The following CDH11 variants were observed in gnomAD, a reference collection of about 807,000 sequenced individuals.
CDH11 encodes the protein cadherin-11.
In CDH11, 11 loss-of-function variants were observed where a neutral mutation model predicts 67.8. The ratio of observed to expected loss-of-function variants is 0.16; its 90% CI spans 0.10 to 0.27. The LOEUF (loss-of-function observed/expected upper bound fraction) is 0.27. Ranked by LOEUF, CDH11 falls within the 10% of genes least tolerant of loss-of-function variation. The pLI is 1.00. For missense variants in CDH11, 847 were observed against 1,031.2 expected (o/e 0.82, Z 2.45); for synonymous variants, 419 against 400.0 (o/e 1.05, Z -0.57).
chr16:64,990,163 T>C (rs1359014810), intron 6 of CDH11, among the ~76,000 whole-genome samples: 2 of 152,210 alleles, frequency 1.3e-5, no homozygotes, highest in Non-Finnish European at 1.5e-5. Flanking sequence ...TATGATTGTC[T>C]ATGACCAAGG....
intron 3 of CDH11, among the ~76,000 whole-genome samples, chr16:64,999,279 G>C (rs1180043435): frequency 6.6e-6 from 1 of 152,100 alleles, no homozygotes; most frequent in Non-Finnish European, 1.5e-5. Context: ...CCTCTGTTCA[G>C]AGACAATCAC....
intron 1 of CDH11, among the ~76,000 whole-genome samples, chr16:65,066,698 G>A (rs1290898310): frequency 6.6e-6 from 1 of 152,196 alleles, no homozygotes; most frequent in Non-Finnish European, 1.5e-5. Flanking sequence ...CAGTCATTCT[G>A]TTCTTATGTG....
intron 2 of CDH11, among the ~76,000 whole-genome samples, chr16:65,039,529 T>A (rs896944262): frequency 2.0e-5 from 3 of 152,182 alleles, no homozygotes; most frequent in African/African-American, 7.2e-5. Context: ...TGAAAGTGGA[T>A]CCCTTCCTTA....
rs2072051009 is a variant in CDH11 at position 64,972,927 on chromosome 16, A to T, written c.1367T>A (p.Ile456Asn). ...LDREETAWLN[I>N]TVFAAEIHNR... ...ACGGATTTCTGCTGCAAAGACAGTG[A>T]TGTTGAGCCAGGCTGTTTCCTCTCT... is the stretch of plus-strand genomic sequence containing the variant. The change falls in exon 9 of 13, where the codon ATC becomes AAC. Residue 456 changes from isoleucine (I) to asparagine (N), a missense_variant. This residue lies in a region of CDH11 where 612 missense variants were observed against 678.7 expected (regional missense o/e 0.90). Coordinates refer to ENST00000268603, the MANE Select transcript of CDH11 (RefSeq NM_001797.4). 2 of 1,613,912 alleles carry T rather than the reference A, an allele frequency of 1.2e-6. No homozygotes were observed. Among genetic ancestry groups the T allele is most frequent in the Non-Finnish European group, 1.7e-6 (2 of 1,179,876 alleles).
intron 3 of CDH11, among the ~76,000 whole-genome samples, chr16:65,002,891 T>G (rs1308647851): frequency 6.6e-6 from 1 of 152,084 alleles, no homozygotes; most frequent in African/African-American, 2.4e-5. Context: ...TCATTTACAT[T>G]GAATGTCCTC....
chr16:64,953,363 A>T (rs2071416950), intron 11 of CDH11, among the ~76,000 whole-genome samples: 1 of 151,910 alleles, frequency 6.6e-6, no homozygotes, highest in African/African-American at 2.4e-5. Context: ...AATATTGCAG[A>T]TGGTGAGGTT....
chr16:65,024,809 T>C lies in CDH11; in HGVS notation c.-172-19768A>G, dbSNP rs192717812. Among the ~76,000 whole-genome samples the C allele has an allele frequency of 3.9e-3, 596 of 152,290 alleles. 5 individuals are homozygous for C. The highest frequency in any genetic ancestry group is 6.4e-3 in the Non-Finnish European group (436 of 68,026). On this transcript the variant is annotated intron_variant, in intron 2 of 12. Transcript: ENST00000268603. ...TGAAAAGCTGGGTAACATGAGTGGC[T>C]CTCCAGACAAGATCTTTGGAATATA...
chr16:65,121,915 G>T lies in CDH11; in HGVS notation c.-333C>A, dbSNP rs903127001. ...TGAGGGTGGACGCAACCTCCGAGCC[G>T]CCAGTCCCTGGCGCAGGGCAAGCGC... On this transcript the variant is annotated 5_prime_UTR_variant, in exon 1 of 13. Transcript: ENST00000268603. The surrounding 1 kb of genome is among the most constrained non-coding windows in gnomAD (Gnocchi z 4.1). 4.3e-6 allele frequency: 3 copies of T among 701,778 alleles called. No individual in the cohort carries two copies. In the African/African-American group the frequency reaches 5.2e-5, roughly 12 times the overall value. 43.5% of individuals were successfully genotyped at this position (701,778 alleles called of 1,614,324 possible).
At chr16:65,011,303 G>C (rs1056710947) in intron 2 of CDH11, among the ~76,000 whole-genome samples, 25 of 151,940 alleles carry the variant, frequency 1.6e-4, no homozygotes, top group Non-Finnish European at 2.8e-4. Flanking sequence ...ATGTCTGAAA[G>C]TCCAGGTCCC....
In CDH11 at chr16:64,991,314, C is replaced by T. The variant is rs184493262; in HGVS notation, c.811+454G>A. 2.6e-3 allele frequency: 404 copies of T among 157,112 alleles called. 1 individual carries two copies. The highest frequency in any genetic ancestry group is 4.1e-3 in the Non-Finnish European group (292 of 70,558). The allele number at this position is 157,112 out of a possible 1,614,324, so 9.7% of individuals were successfully genotyped here. On this transcript the variant is annotated intron_variant, in intron 6 of 12. Transcript: ENST00000268603. Reference sequence around the variant, plus strand: ...GCATGCTGTCTCCTCCAAGCCTTGCCCAAATTCCAGACACATGATAAAAAC... The same window carrying T: ...GCATGCTGTCTCCTCCAAGCCTTGCTCAAATTCCAGACACATGATAAAAAC...
chr16:65,094,807 C>T (rs543811287), intron 1 of CDH11: 2 of 152,094 alleles, frequency 1.3e-5, no homozygotes, highest in Admixed American at 1.3e-4. Context: ...CAACTGAGGA[C>T]ACTCAGAAGG....
intron 2 of CDH11, among the ~76,000 whole-genome samples, chr16:65,048,232 T>C (rs2073996618): frequency 6.6e-6 from 1 of 152,160 alleles, no homozygotes; most frequent in Admixed American, 6.5e-5. Context: ...CCACTATGTC[T>C]CCTTTAAAAC....
intron 1 of CDH11, among the ~76,000 whole-genome samples, chr16:65,055,493 C>T (rs567840439): frequency 1.3e-5 from 2 of 152,300 alleles, no homozygotes; most frequent in South Asian, 4.1e-4. Context: ...AAAGGGAATG[C>T]CTATCCTACA....
intron 4 of CDH11, among the ~76,000 whole-genome samples, chr16:64,993,425 G>A (rs913505865): frequency 2.6e-5 from 4 of 152,060 alleles, no homozygotes; most frequent in Non-Finnish European, 2.9e-5. Flanking sequence ...GATAATTAAC[G>A]ATAAATTGCT....
rs779408399 is a variant in CDH11, at chr16:64,950,977, G to A, written c.1684C>T (p.Arg562Trp). The change falls in exon 12 of 13, where the codon CGG becomes TGG. Residue 562 changes from arginine (R) to tryptophan (W), a missense_variant. This residue lies in a region of CDH11 where 612 missense variants were observed against 678.7 expected (regional missense o/e 0.90). Transcript: ENST00000268603. ...AGAAGGTACAAGTCCTGCTTCTGCC[G>A]ACTGAACCCTCCACGCCGGGCGTAC... ...GVYARRGGFS[R>W]QKQDLYLLPI... 6.2e-7 allele frequency: 1 copy of A among 1,614,012 alleles called. No individual in the cohort carries two copies. Among genetic ancestry groups the A allele is most frequent in the Non-Finnish European group, 8.5e-7 (1 of 1,179,992 alleles).
At chr16:64,990,373 C>CA (rs2072598418) in intron 6 of CDH11, among the ~76,000 whole-genome samples, 1 of 152,162 alleles carries the variant, frequency 6.6e-6, no homozygotes, top group Non-Finnish European at 1.5e-5. Flanking sequence ...TGAGTAACCA[C>CA]AGTGCCTTCC....
rs138162692 is a variant in CDH11, at chr16:64,992,423, T to C, written c.644-488A>G. On this transcript the variant is annotated intron_variant, in intron 5 of 12. Transcript: ENST00000268603. ...AAAGAGTGAACCAAATCGGTTAAAATATATACAATGCTCATATAAGCACAT... is the reference window on the plus strand; with the variant it reads ...AAAGAGTGAACCAAATCGGTTAAAACATATACAATGCTCATATAAGCACAT... Among the ~76,000 whole-genome samples, 868 of 152,370 alleles carry C rather than the reference T, an allele frequency of 5.7e-3. 7 individuals carry two copies. The highest frequency in any genetic ancestry group is 0.02 in the African/African-American group (814 of 41,592).
chr16:65,122,000 C>A lies in CDH11; in HGVS notation c.-418G>T. ...TTCACAAGTCAGCGGCGGCTGCGAG[C>A]GGCCCCCGCGGCATCTGCTCCTCGG... On this transcript the variant is annotated 5_prime_UTR_variant, in exon 1 of 13. Coordinates refer to ENST00000268603, the MANE Select transcript of CDH11 (RefSeq NM_001797.4). The surrounding 1 kb of genome is among the most constrained non-coding windows in gnomAD (Gnocchi z 4.1). The A allele has an allele frequency of 1.4e-6, 1 of 699,782 alleles. No homozygotes were observed. 43.3% of individuals were successfully genotyped at this position (699,782 alleles called of 1,614,324 possible).
chr16:64,999,393 A>G (rs2072858950), intron 3 of CDH11, among the ~76,000 whole-genome samples: 1 of 152,222 alleles, frequency 6.6e-6, no homozygotes, highest in African/African-American at 2.4e-5. Flanking sequence ...TTATACAATA[A>G]AGTTCCAGAG....
Sources: allele counts gnomAD v4.1 joint callset (sites outside exome capture counted in the v4.1 genomes callset), GRCh38; gene constraint gnomAD v4.1.1; regional missense constraint gnomAD v4.1.1; non-coding constraint Gnocchi (gnomAD v3.1); transcripts MANE v1.5; gene names NCBI Gene and HGNC (gene_info 2026-07-23, HGNC 2026-07-21).